The following CCDC50 variants were observed in gnomAD, a reference collection of about 807,000 sequenced individuals.
The protein encoded by CCDC50 is coiled-coil domain-containing protein 50.
In CCDC50, 54 loss-of-function variants were observed where a neutral mutation model predicts 70.2. That is an observed-to-expected ratio of 0.77 (90% CI 0.62 to 0.96). CCDC50 has a LOEUF of 0.96. CCDC50 is among the 50% of genes least tolerant of loss of function. The pLI, the probability that CCDC50 is intolerant of heterozygous loss-of-function variation, is 0.00. For synonymous variants in CCDC50, 216 were observed against 198.8 expected, an observed-to-expected ratio of 1.09 and a Z score of -0.73; for missense variants, 558 against 578.7, an observed-to-expected ratio of 0.96 and a Z score of 0.37.
intron 10 of CCDC50, 81 bp downstream of exon 10, chr3:191,382,906 A>G (rs1713369816): frequency 1.9e-6 from 2 of 1,059,156 alleles, no homozygotes; most frequent in Non-Finnish European, 2.9e-6. Context: ...AGAAGAGTGT[A>G]TGTTTTTTGG....
Position 191,363,076 on chromosome 3 carries a change from T to G in CCDC50, c.330+1917T>G, listed in dbSNP as rs56158350. 1.7e-3 allele frequency among the ~76,000 whole-genome samples: 36 copies of G among 21,134 alleles called. No individual in the cohort carries two copies. In the East Asian group the frequency reaches 0.093, roughly 55 times the overall value. 13.9% of individuals were successfully genotyped at this position (21,134 alleles called of 152,430 possible). On this transcript the variant is annotated intron_variant, in intron 4 of 11. Coordinates refer to ENST00000392455, the MANE Select transcript of CCDC50 (RefSeq NM_178335.3). The stretch of plus-strand genomic sequence containing the variant: ...TAAATGCTACTGCTGTCCTGTGGGG[T>G]TTTTTTTTTTTCTCCGTTTAGAGAA...
chr3:191,331,072 A>G (rs1717966817), intron 1 of CCDC50, among the ~76,000 whole-genome samples: 1 of 152,126 alleles, frequency 6.6e-6, no homozygotes, highest in Admixed American at 6.5e-5. Flanking sequence ...GCGGATCCAT[A>G]CTTTTGAGAG....
chr3:191,366,414 A>T (rs1200794946), intron 4 of CCDC50, among the ~76,000 whole-genome samples: 1 of 152,134 alleles, frequency 6.6e-6, no homozygotes, highest in Non-Finnish European at 1.5e-5. Flanking sequence ...GGGAAAGGTG[A>T]GATACAATGG....
At chr3:191,336,188 C>T (rs780579194) in intron 1 of CCDC50, among the ~76,000 whole-genome samples, 5 of 150,300 alleles carry the variant, frequency 3.3e-5, no homozygotes, top group Non-Finnish European at 5.9e-5. Context: ...TTGTTTCCCT[C>T]GAATGGACTT....
intron 1 of CCDC50, among the ~76,000 whole-genome samples, chr3:191,355,776 A>C (rs996234521): frequency 1.3e-5 from 2 of 152,200 alleles, no homozygotes; most frequent in African/African-American, 2.4e-5. Flanking sequence ...TTTTGCTGTT[A>C]TGTTTGAGCG....
chr3:191,382,552 TA>T (rs1293868561), intron 9 of CCDC50, among the ~76,000 whole-genome samples, 193 bp from the exon 10 acceptor site: 1 of 152,168 alleles, frequency 6.6e-6, no homozygotes, highest in Non-Finnish European at 1.5e-5. Flanking sequence ...TTTGCAGCTA[TA>T]AATTTTCTAC....
In CCDC50 at chr3:191,397,758, T is replaced by A. The variant is rs891802281; in HGVS notation, c.*5998T>A. On this transcript the variant is annotated 3_prime_UTR_variant, in exon 12 of 12. Coordinates refer to ENST00000392455, the MANE Select transcript of CCDC50 (RefSeq NM_178335.3). ...TTGATATTTGGAATGTGGATATATTTATAAAACAAATGGATTGTTATTCCA... is the reference window on the plus strand; with the variant it reads ...TTGATATTTGGAATGTGGATATATTAATAAAACAAATGGATTGTTATTCCA... 6.6e-6 allele frequency: 1 copy of A among 152,256 alleles called. No individual in the cohort carries two copies. The highest frequency in any genetic ancestry group is 1.5e-5 in the Non-Finnish European group (1 of 68,056). The allele number at this position is 152,256 out of a possible 1,614,324, so 9.4% of individuals were successfully genotyped here.
intron 1 of CCDC50, among the ~76,000 whole-genome samples, chr3:191,331,751 C>A (rs1369964783): frequency 6.6e-6 from 1 of 152,096 alleles, no homozygotes; most frequent in African/African-American, 2.4e-5. Flanking sequence ...GTATCCTTCC[C>A]TAATATAACT....
chr3:191,374,908 C>T lies in CCDC50; in HGVS notation c.449-154C>T, dbSNP rs1713040268. 2.6e-5 allele frequency among the ~76,000 whole-genome samples: 4 copies of T among 152,160 alleles called. No individual in the cohort carries two copies. The South Asian group carries it at 6.2e-4, about 24-fold the overall frequency. On this transcript the variant is annotated intron_variant, in intron 5 of 11. Coordinates refer to ENST00000392455, the MANE Select transcript of CCDC50 (RefSeq NM_178335.3). Reference sequence around the variant, plus strand: ...ATGCATGAACTGTTTCAGTAATGCTCATCCCCTCTTCTCAATTTAAGTTGA... The same window carrying T: ...ATGCATGAACTGTTTCAGTAATGCTTATCCCCTCTTCTCAATTTAAGTTGA...
At position 191,375,454 on chromosome 3, in the gene CCDC50, CAAAA is replaced by C. The variant is rs1442535115; in HGVS notation, c.843_846del (p.Lys282GlnfsTer45). On this transcript the variant is annotated frameshift_variant, in exon 6 of 12. Transcript: ENST00000392455. LOFTEE classifies it high-confidence loss of function. ...AGATCGACTTTCACCCAAGTCCTCA[CAAAA>C]AGCAGGGCTTCACTGCAAGGAAGTT... is the stretch of plus-strand genomic sequence containing the variant. The C allele has an allele frequency of 6.2e-7, 1 of 1,613,678 alleles. No homozygotes were observed. The highest frequency in any genetic ancestry group is 8.5e-7 in the Non-Finnish European group (1 of 1,179,830).
At chr3:191,341,555 A>G (rs906484683) in intron 1 of CCDC50, among the ~76,000 whole-genome samples, 2 of 152,202 alleles carry the variant, frequency 1.3e-5, no homozygotes, top group East Asian at 3.8e-4. Context: ...ATGTTATTGA[A>G]GTCTTAGCAT....
At position 191,329,688 on chromosome 3, in the gene CCDC50, G is replaced by C; in HGVS notation, c.14G>C (p.Ser5Thr). 6.2e-7 allele frequency: 1 copy of C among 1,610,438 alleles called. No homozygotes were observed. The highest frequency in any genetic ancestry group is 1.1e-5 in the South Asian group (1 of 90,124). MAEV[S>T]IDQSKLPGVK... ...CCCTGGCCCGGTATGGCTGAAGTCA[G>C]CATCGACCAGTCCAAGCTGCCTGGA... The change falls in exon 1 of 12, where the codon AGC becomes ACC. Residue 5 changes from serine (S) to threonine (T), a missense_variant. Transcript: ENST00000392455.
At chr3:191,340,990 TA>T (rs1711708018) in intron 1 of CCDC50, among the ~76,000 whole-genome samples, 1 of 145,636 alleles carries the variant, frequency 6.9e-6, no homozygotes, top group Admixed American at 6.8e-5. Flanking sequence ...CCCAGCTAAT[TA>T]ATTTTTTTTT....
intron 1 of CCDC50, among the ~76,000 whole-genome samples, chr3:191,339,023 G>A (rs1045879520): frequency 1.3e-5 from 2 of 152,120 alleles, no homozygotes; most frequent in Admixed American, 6.6e-5. Context: ...TTAGATAAAG[G>A]GGGGAAGGCT....
At position 191,329,525 on chromosome 3, in the gene CCDC50, C is replaced by G; in HGVS notation, c.-150C>G. 1 of 686,972 alleles carries G rather than the reference C, an allele frequency of 1.5e-6. No homozygotes were observed. The highest frequency in any genetic ancestry group is 2.4e-5 in the South Asian group (1 of 41,148). The allele number at this position is 686,972 out of a possible 1,614,324, so 42.6% of individuals were successfully genotyped here. On this transcript the variant is annotated 5_prime_UTR_variant, in exon 1 of 12. Transcript: ENST00000392455. ...CGCTGCTTTGGTCACCAGCCCCTGC[C>G]CGCCCGACCCGCTCCGTTCTCCGGC... is the stretch of plus-strand genomic sequence containing the variant.
chr3:191,377,345 C>A (rs1241205975), intron 6 of CCDC50, among the ~76,000 whole-genome samples: 3 of 152,072 alleles, frequency 2.0e-5, no homozygotes, highest in African/African-American at 7.2e-5. Flanking sequence ...AATGAAGAAA[C>A]TAGCAGGATG....
chr3:191,368,126 C>G lies in CCDC50; in HGVS notation c.331-1793C>G, dbSNP rs1712764075. On this transcript the variant is annotated intron_variant, in intron 4 of 11. Coordinates refer to ENST00000392455, the MANE Select transcript of CCDC50 (RefSeq NM_178335.3). ...ATTGAAGTTCCCCCCAAATTTATATCAGTAGTGACTATTTCTCTCCCAATG... is the reference window on the plus strand; with the variant it reads ...ATTGAAGTTCCCCCCAAATTTATATGAGTAGTGACTATTTCTCTCCCAATG... Among the ~76,000 whole-genome samples the G allele has an allele frequency of 2.0e-5, 3 of 151,938 alleles. No individual in the cohort carries two copies. In the South Asian group the frequency reaches 6.2e-4, roughly 32 times the overall value.
At chr3:191,381,888 G>GTAGA (rs1299392631) in intron 9 of CCDC50, among the ~76,000 whole-genome samples, 1 of 152,118 alleles carries the variant, frequency 6.6e-6, no homozygotes, top group African/African-American at 2.4e-5. Context: ...GGAAAAAGGT[G>GTAGA]TAGAAACCCT....
intron 1 of CCDC50, among the ~76,000 whole-genome samples, chr3:191,353,027 C>G (rs1420731055): frequency 7.1e-6 from 1 of 140,924 alleles, no homozygotes; most frequent in Admixed American, 7.3e-5. Context: ...GCAGAAAGTA[C>G]ACCCACAAAG....
Sources: allele counts gnomAD v4.1 joint callset (sites outside exome capture counted in the v4.1 genomes callset), GRCh38; gene constraint gnomAD v4.1.1; transcripts MANE v1.5; gene names NCBI Gene and HGNC (gene_info 2026-07-23, HGNC 2026-07-21).